AGBL4: variants seen among roughly 807,000 people sequenced by gnomAD.
AGBL4 encodes the protein cytosolic carboxypeptidase 6.
AGBL4 carries 58 observed loss-of-function variants against 66.4 expected under a neutral mutation model. That is an observed-to-expected ratio of 0.87 (90% CI 0.71 to 1.09). AGBL4 has a LOEUF of 1.09. Ranked by LOEUF, AGBL4 falls within the 50% of genes least tolerant of loss-of-function variation. The probability of loss-of-function intolerance (pLI) is 0.00; values close to 1 mark genes in which losing one functional copy is unlikely to be tolerated. For synonymous variants in AGBL4, 234 were observed against 222.9 expected (o/e 1.05, Z -0.44); for missense variants, 579 against 631.0 (o/e 0.92, Z 0.88).
At chr1:49,173,695 G>A (rs544188431) in intron 4 of AGBL4, among the ~76,000 whole-genome samples, 11 of 152,286 alleles carry the variant, frequency 7.2e-5, no homozygotes, top group African/African-American at 2.4e-4. Context: ...TGAGGGTTGG[G>A]GTTACAATTT....
chr1:49,373,577 A>G (rs1228771471), intron 3 of AGBL4, among the ~76,000 whole-genome samples: 1 of 152,208 alleles, frequency 6.6e-6, no homozygotes, highest in Non-Finnish European at 1.5e-5. Flanking sequence ...AACAAAGGGC[A>G]ATAGTACAAA....
intron 2 of AGBL4, among the ~76,000 whole-genome samples, chr1:49,797,895 C>G (rs989104567): frequency 6.6e-6 from 1 of 152,030 alleles, no homozygotes; most frequent in African/African-American, 2.4e-5. Context: ...TCCTGAATAG[C>G]TGGGACTACA....
At chr1:49,693,569 G>A (rs1246029528) in intron 3 of AGBL4, among the ~76,000 whole-genome samples, 2 of 152,024 alleles carry the variant, frequency 1.3e-5, no homozygotes, top group African/African-American at 2.4e-5. Flanking sequence ...AAAATTAACA[G>A]TATTTGCTTC....
At chr1:48,542,614 A>T (rs894177364) in intron 11 of AGBL4, among the ~76,000 whole-genome samples, 10 of 152,064 alleles carry the variant, frequency 6.6e-5, no homozygotes, top group African/African-American at 2.4e-4. Context: ...TTTTTTTCAT[A>T]TGTTTGTCAG....
chr1:48,637,880 T>A (rs1296133905), intron 8 of AGBL4, among the ~76,000 whole-genome samples: 2 of 152,188 alleles, frequency 1.3e-5, no homozygotes, highest in Non-Finnish European at 2.9e-5. Context: ...CACTTCCCAA[T>A]GACTAGTCAA....
At chr1:49,684,662 G>A (rs1646755383) in intron 3 of AGBL4, among the ~76,000 whole-genome samples, 1 of 152,058 alleles carries the variant, frequency 6.6e-6, no homozygotes, top group African/African-American at 2.4e-5. Context: ...GCAAAGACAT[G>A]CTTTGCTTTA....
chr1:49,659,154 C>T (rs1201892586), intron 3 of AGBL4, among the ~76,000 whole-genome samples: 1 of 152,010 alleles, frequency 6.6e-6, no homozygotes, highest in African/African-American at 2.4e-5. Flanking sequence ...GCAAGAGCTC[C>T]TGAAGGAAGC....
intron 6 of AGBL4, among the ~76,000 whole-genome samples, chr1:48,800,996 T>C (rs1570703964): frequency 6.7e-6 from 1 of 150,314 alleles, no homozygotes; most frequent in East Asian, 2.0e-4. Flanking sequence ...CTGTGGCCGC[T>C]GTGGGGCATG....
chr1:48,611,201 T>G (rs1419821777), intron 9 of AGBL4, among the ~76,000 whole-genome samples: 1 of 152,234 alleles, frequency 6.6e-6, no homozygotes, highest in East Asian at 1.9e-4. Context: ...GAAGCAGGCT[T>G]GAGGCTTCCT....
Position 48,938,007 on chromosome 1 carries a change from A to T in AGBL4, c.595-70777T>A, listed in dbSNP as rs72895637. 1.6e-3 allele frequency among the ~76,000 whole-genome samples: 240 copies of T among 152,306 alleles called. 4 individuals carry two copies. The highest frequency in any genetic ancestry group is 5.6e-3 in the African/African-American group (233 of 41,578). On this transcript the variant is annotated intron_variant, in intron 5 of 13. Coordinates refer to ENST00000371839, the MANE Select transcript of AGBL4 (RefSeq NM_032785.4). The stretch of plus-strand genomic sequence containing the variant: ...AAGTAACCTAACTTCTCTGAGTCTC[A>T]ATTTCCTCATTCCTAATATTGGGAC...
chr1:48,685,850 C>T (rs2148485535), intron 6 of AGBL4, among the ~76,000 whole-genome samples: 1 of 152,304 alleles, frequency 6.6e-6, no homozygotes, highest in Middle Eastern at 3.4e-3. Flanking sequence ...GATCACCAGC[C>T]TTAAGCTCTG....
chr1:48,812,559 C>T (rs1646075800), intron 6 of AGBL4, among the ~76,000 whole-genome samples: 2 of 152,286 alleles, frequency 1.3e-5, no homozygotes, highest in African/African-American at 4.8e-5. Context: ...AGATACATTC[C>T]CAACCTTTAA....
intron 3 of AGBL4, among the ~76,000 whole-genome samples, chr1:49,565,423 T>A (rs1333353244): frequency 6.6e-6 from 1 of 152,196 alleles, no homozygotes; most frequent in Non-Finnish European, 1.5e-5. Flanking sequence ...ATTTGGCATG[T>A]TTTTGCAGTG....
chr1:49,135,373 T>G (rs903734026), intron 4 of AGBL4, among the ~76,000 whole-genome samples: 2 of 152,108 alleles, frequency 1.3e-5, no homozygotes, highest in African/African-American at 2.4e-5. Flanking sequence ...AATATATGCA[T>G]GTACACTGCT....
chr1:49,089,606 G>C (rs988846190), intron 4 of AGBL4, among the ~76,000 whole-genome samples: 1 of 152,044 alleles, frequency 6.6e-6, no homozygotes, highest in Non-Finnish European at 1.5e-5. Context: ...GTAATAAAAA[G>C]TCTACCAACC....
intron 3 of AGBL4, among the ~76,000 whole-genome samples, chr1:49,655,068 G>A (rs1646095599): frequency 6.6e-6 from 1 of 152,116 alleles, no homozygotes; most frequent in Non-Finnish European, 1.5e-5. Context: ...TACCGGTTAT[G>A]CTGGTACCAG....
intron 12 of AGBL4, 112 bp downstream of exon 12, chr1:48,539,530 T>C (rs1240763892): frequency 7.5e-6 from 6 of 796,872 alleles, no homozygotes; most frequent in Non-Finnish European, 1.1e-5. Context: ...GGATTATCTT[T>C]CCTGCGGCAC....
chr1:48,995,734 G>C (rs3118220), intron 5 of AGBL4, among the ~76,000 whole-genome samples: 1 of 152,016 alleles, frequency 6.6e-6, no homozygotes, highest in African/African-American at 2.4e-5. Flanking sequence ...GGGTGACAGA[G>C]AGAAGGTCAT....
chr1:49,279,270 C>T (rs751719589), intron 3 of AGBL4, among the ~76,000 whole-genome samples: 21 of 152,020 alleles, frequency 1.4e-4, no homozygotes, highest in Admixed American at 7.2e-4. Context: ...ATAATATAAG[C>T]GTGGGGACCT....
Sources: gnomAD v4.1 joint callset for allele counts (sites outside exome capture counted in the v4.1 genomes callset) on GRCh38, gnomAD v4.1.1 for gene constraint, MANE v1.5 for transcripts, NCBI Gene and HGNC (gene_info 2026-07-23, HGNC 2026-07-21) for gene names.